Variants in CENPM observed in about 807,000 individuals in gnomAD.
CENPM encodes the protein centromere protein M, also known as interphase centromere complex protein 39.
CENPM carries 14 observed loss-of-function variants against 19.6 expected under a neutral mutation model. The observed-to-expected ratio is 0.71, with a 90% CI of 0.47 to 1.11. The LOEUF is 1.11. CENPM is among the 50% of genes most tolerant of loss of function. The probability of loss-of-function intolerance (pLI) is 0.00; values close to 1 mark genes in which losing one functional copy is unlikely to be tolerated. For missense variants in CENPM, 239 were observed against 228.4 expected, an observed-to-expected ratio of 1.05 and a Z score of -0.30; for synonymous variants, 114 against 101.5, an observed-to-expected ratio of 1.12 and a Z score of -0.74.
the CENPM span, among the ~76,000 whole-genome samples, chr22:41,931,074 G>C: frequency 2.0e-5 from 3 of 151,580 alleles, no homozygotes; most frequent in Admixed American, 1.3e-4. Flanking sequence ...GGTCTCAAGC[G>C]ACCTGCGCGC....
At position 41,938,962 on chromosome 22, in the gene CENPM, G is replaced by C; in HGVS notation, c.*94C>G. ...TCCCAGCCACGGCGGGCTGAGCCTG[G>C]GCCTGTCAAGCCCTGACTGGACATC... On this transcript the variant is annotated 3_prime_UTR_variant, in exon 6 of 6. Transcript: ENST00000215980. 1 of 1,502,292 alleles carries C rather than the reference G, an allele frequency of 6.7e-7. No individual in the cohort carries two copies. Among genetic ancestry groups the C allele is most frequent in the Non-Finnish European group, 9.0e-7 (1 of 1,105,866 alleles). 93.1% of individuals were successfully genotyped at this position (1,502,292 alleles called of 1,614,324 possible). A position where few individuals can be genotyped will look rare whatever the true frequency, so the allele number is the denominator to read the frequency against.
chr22:41,932,887 ACTTAGCACCTACCAG>A, the CENPM span, among the ~76,000 whole-genome samples: 6 of 152,212 alleles, frequency 3.9e-5, no homozygotes, highest in African/African-American at 1.4e-4. This position sits in a 1 kb window ranked among gnomAD's most constrained non-coding sequence, Gnocchi z 4.3. Context: ...CCACTCACTC[ACTTAGCACCTACCAG>A]GCACCAGGAG....
chr22:41,943,501 G>T, intron 5 of CENPM, 109 bp downstream of exon 5: 2 of 902,578 alleles, frequency 2.2e-6, no homozygotes, highest in Non-Finnish European at 1.7e-6. Flanking sequence ...GAGCTGCCTC[G>T]CTCGGATACT....
chr22:41,945,255 A>C lies in CENPM; in HGVS notation c.280T>G (p.Leu94Val). 11 of 1,613,938 alleles carry C rather than the reference A, an allele frequency of 6.8e-6. No homozygotes were observed. Among genetic ancestry groups the C allele is most frequent in the Non-Finnish European group, 9.3e-6 (11 of 1,180,006 alleles). ...SLRHVDASFFLGKVCFLATGA... is the reference protein window; with the variant it reads ...SLRHVDASFFVGKVCFLATGA... ...GTGGCGAGGAAACACACCTTCCCCA[A>C]GAAGAAGCTGGCATCCACATGGCGC... Residue 94 changes from leucine to valine, a missense_variant, in exon 4 of 6, where the codon TTG (leucine) becomes GTG (valine). By Grantham distance (32) the Leu-to-Val change is conservative. Coordinates refer to ENST00000215980, the MANE Select transcript of CENPM (RefSeq NM_024053.5).
Position 41,943,631 on chromosome 22 carries a change from G to A in CENPM, c.381C>T (p.Pro127=). 6.2e-7 allele frequency: 1 copy of A among 1,613,890 alleles called. No homozygotes were observed. Among genetic ancestry groups the A allele is most frequent in the Non-Finnish European group, 8.5e-7 (1 of 1,179,908 alleles). The part of the protein sequence containing the change: ...VVKLAHTYQS[P]LLYCDLEVEG... Reference sequence around the variant, plus strand: ...TCACCTCCAGGTCACAGTAGAGCAGGGGGCTTTGATAGGTGTGGGCCAGCT... The same window carrying A: ...TCACCTCCAGGTCACAGTAGAGCAGAGGGCTTTGATAGGTGTGGGCCAGCT... The change falls in exon 5 of 6, where the codon CCC becomes CCT. Residue 127 remains proline (P), a synonymous_variant. Coordinates refer to ENST00000215980, the MANE Select transcript of CENPM (RefSeq NM_024053.5).
intron 4 of CENPM, chr22:41,944,888 A>G (rs918424015): frequency 7.2e-6 from 8 of 1,116,498 alleles, no homozygotes; most frequent in African/African-American, 1.6e-5. Context: ...GGCTGACAAC[A>G]GGTCAGATTC....
chr22:41,930,937 A>T, the CENPM span, among the ~76,000 whole-genome samples: 1 of 151,198 alleles, frequency 6.6e-6, no homozygotes, highest in Non-Finnish European at 1.5e-5. Context: ...CCTGGGTTCA[A>T]GCGATTCTCG....
At chr22:41,940,852 C>A (rs1391465423) in intron 5 of CENPM, among the ~76,000 whole-genome samples, 1 of 152,310 alleles carries the variant, frequency 6.6e-6, no homozygotes, top group Non-Finnish European at 1.5e-5. Context: ...CAACCTGCCT[C>A]CTGCAGCAGC....
intron 5 of CENPM, 72 bp from the exon 6 acceptor site, chr22:41,939,268 G>A: frequency 6.6e-7 from 1 of 1,504,458 alleles, no homozygotes; most frequent in Non-Finnish European, 8.9e-7. Flanking sequence ...CAGCTGCAGG[G>A]GCTGCCAGAG....
the CENPM span, among the ~76,000 whole-genome samples, chr22:41,929,679 A>G: frequency 1.3e-5 from 2 of 152,196 alleles, no homozygotes; most frequent in East Asian, 3.9e-4. Context: ...ATGTGACACA[A>G]ATGTTTGCTG....
At chr22:41,934,032 G>A (rs2077674070), downstream of CENPM, among the ~76,000 whole-genome samples, 1 of 152,250 alleles carries the variant, frequency 6.6e-6, no homozygotes, top group South Asian at 2.1e-4. Flanking sequence ...GGAGAGGGAA[G>A]TGGGCTGCCC....
chr22:41,943,297 T>C (rs1407049527), intron 5 of CENPM, among the ~76,000 whole-genome samples: 4 of 152,052 alleles, frequency 2.6e-5, no homozygotes, highest in Non-Finnish European at 5.9e-5. Flanking sequence ...TATAACTGAG[T>C]ATGCAGAAAC....
At chr22:41,946,271 G>C (rs559629762) in intron 2 of CENPM, 146 bp downstream of exon 2, 1 of 715,520 alleles carries the variant, frequency 1.4e-6, no homozygotes, top group African/African-American at 1.8e-5. Flanking sequence ...GATATAAGAC[G>C]GCATGGGACT....
the CENPM span, among the ~76,000 whole-genome samples, chr22:41,930,657 T>C: frequency 2.0e-5 from 3 of 151,436 alleles, no homozygotes; most frequent in African/African-American, 7.3e-5. Flanking sequence ...TACGTGGGAT[T>C]ACAGGCACCT....
At chr22:41,946,064 T>A in intron 2 of CENPM, 59 bp from the exon 3 acceptor site, 1 of 1,408,742 alleles carries the variant, frequency 7.1e-7, no homozygotes, top group Non-Finnish European at 9.9e-7. Context: ...AGCGACCGTT[T>A]AAATGCTGCC....
the CENPM span, among the ~76,000 whole-genome samples, chr22:41,927,871 A>T: frequency 6.6e-6 from 1 of 152,170 alleles, no homozygotes; most frequent in Non-Finnish European, 1.5e-5. Context: ...ACTTGTGCTG[A>T]TGGGGGAAGA....
Position 41,945,906 on chromosome 22 carries a change from C to T in CENPM, c.230+7G>A, listed in dbSNP as rs551389717. 75 of 1,611,926 alleles carry T rather than the reference C, an allele frequency of 4.7e-5. No individual in the cohort carries two copies. In the South Asian group the frequency reaches 6.4e-4, roughly 14 times the overall value. ...GAGCCCTGACTGCCCCTTCCTCTGG[C>T]TCTCACCTGTATTTGCTGTGAAGAT... On this transcript the variant is annotated splice_region_variant and intron_variant, in intron 3 of 5. Coordinates refer to ENST00000215980, the MANE Select transcript of CENPM (RefSeq NM_024053.5).
rs945043820 is a variant in CENPM at position 41,938,868 on chromosome 22, C to T, written c.*188G>A. The T allele has an allele frequency of 3.0e-5, 19 of 636,428 alleles. No homozygotes were observed. Among genetic ancestry groups the T allele is most frequent in the Admixed American group, 1.5e-4 (5 of 32,362 alleles). The allele number at this position is 636,428 out of a possible 1,614,324, so 39.4% of individuals were successfully genotyped here. On this transcript the variant is annotated 3_prime_UTR_variant, in exon 6 of 6. Coordinates refer to ENST00000215980, the MANE Select transcript of CENPM (RefSeq NM_024053.5). Reference sequence around the variant, plus strand: ...TGGGAGTGGGAGGGGGCTACAGTCTCGCCAGCTGGGCCCCCTCGCTGCTTC... The same window carrying T: ...TGGGAGTGGGAGGGGGCTACAGTCTTGCCAGCTGGGCCCCCTCGCTGCTTC...
rs79667167 is a variant in CENPM, at chr22:41,944,724, G to A, written c.310+501C>T. On this transcript the variant is annotated intron_variant, in intron 4 of 5. Transcript: ENST00000215980. ...AGAACGATAAGCTGACCCAGAGAAGGAGAGTCACCGGAGATGAGACTAGCT... is the reference window on the plus strand; with the variant it reads ...AGAACGATAAGCTGACCCAGAGAAGAAGAGTCACCGGAGATGAGACTAGCT... 5.1e-6 allele frequency: 5 copies of A among 985,320 alleles called. No individual in the cohort carries two copies. The African/African-American group carries it at 8.7e-5, about 17-fold the overall frequency. 61.0% of individuals were successfully genotyped at this position (985,320 alleles called of 1,614,324 possible).
Sources: allele counts gnomAD v4.1 joint callset (sites outside exome capture counted in the v4.1 genomes callset), GRCh38; gene constraint gnomAD v4.1.1; non-coding constraint Gnocchi (gnomAD v3.1); transcripts MANE v1.5; gene names NCBI Gene and HGNC (gene_info 2026-07-23, HGNC 2026-07-21).